Variants in DCAF8 observed in about 807,000 individuals in gnomAD.
DCAF8 encodes the protein DDB1 and CUL4 associated factor 8.
A neutral mutation model predicts 68.0 loss-of-function variants in DCAF8; 20 were observed. That is an observed-to-expected ratio of 0.29 (90% CI 0.21 to 0.43). The LOEUF (loss-of-function observed/expected upper bound fraction) is 0.43. Ranked by LOEUF, DCAF8 falls within the 20% of genes least tolerant of loss-of-function variation. The pLI is 1.00. For synonymous variants in DCAF8, 230 were observed against 276.9 expected, an observed-to-expected ratio of 0.83 and a Z score of 1.68; for missense variants, 460 against 771.0, an observed-to-expected ratio of 0.60 and a Z score of 4.78.
chr1:160,217,689 A>G lies in DCAF8; in HGVS notation c.1697T>C (p.Val566Ala). 6.2e-7 allele frequency: 1 copy of G among 1,614,022 alleles called. No individual in the cohort carries two copies. Among genetic ancestry groups the G allele is most frequent in the Non-Finnish European group, 8.5e-7 (1 of 1,179,968 alleles). The change falls in exon 14 of 14, where the codon GTT becomes GCT. Residue 566 changes from valine to alanine, a missense_variant. Physicochemically the swap from Val to Ala is moderately conservative, Grantham distance 64. This residue lies in a region of DCAF8 where 80 missense variants were observed against 115.1 expected (regional missense o/e 0.70). Coordinates refer to ENST00000368074, the MANE Select transcript of DCAF8 (RefSeq NM_015726.4). ...RHHRRWREPG[V>A]GATDADSDES... ...ATCAGAGTCCGCGTCTGTGGCCCCA[A>G]CCCCAGGTTCTCGCCAGCGCTGTGG...
chr1:160,218,279 T>TA (rs765023132), intron 13 of DCAF8, 45 bp downstream of exon 13: 11 of 1,519,932 alleles, frequency 7.2e-6, no homozygotes, highest in Non-Finnish European at 9.1e-6. Context: ...TTAGCCCTCT[T>TA]AAAAGGGTCA....
At chr1:160,255,035 T>C (rs1036616378) in intron 2 of DCAF8, among the ~76,000 whole-genome samples, 1 of 152,210 alleles carries the variant, frequency 6.6e-6, no homozygotes. Flanking sequence ...TTCCCATCTC[T>C]ATACCAGACT....
chr1:160,234,422 T>C (rs1225669531), intron 6 of DCAF8, among the ~76,000 whole-genome samples: 1 of 152,198 alleles, frequency 6.6e-6, no homozygotes, highest in East Asian at 1.9e-4. Context: ...CTTTAGAGTC[T>C]ATCCCACCTA....
chr1:160,236,075 G>A (rs549857312), intron 6 of DCAF8, among the ~76,000 whole-genome samples: 32 of 147,764 alleles, frequency 2.2e-4, no homozygotes, highest in African/African-American at 6.9e-4. Context: ...ATGGTGGGGC[G>A]GGGGTGACTG....
chr1:160,256,351 G>A (rs1656835912), intron 2 of DCAF8, among the ~76,000 whole-genome samples: 3 of 152,024 alleles, frequency 2.0e-5, no homozygotes, highest in Admixed American at 1.3e-4. Context: ...TGCTCCCAAG[G>A]TACAACTTAC....
In DCAF8 at chr1:160,237,217, G is replaced by A. The variant is rs1327584779; in HGVS notation, c.877C>T (p.Pro293Ser). 6.4e-7 allele frequency: 1 copy of A among 1,569,958 alleles called. No homozygotes were observed. The highest frequency in any genetic ancestry group is 8.7e-7 in the Non-Finnish European group (1 of 1,155,550). ...KGASHKLALEPDSPCTFLSAG... is the reference protein window; with the variant it reads ...KGASHKLALESDSPCTFLSAG... Reference sequence around the variant, plus strand: ...GATAAGAACGTACAGGGAGAGTCTGGTTCCAGTGCCAACTGAAGAAGAAAA... The same window carrying A: ...GATAAGAACGTACAGGGAGAGTCTGATTCCAGTGCCAACTGAAGAAGAAAA... Residue 293 changes from proline to serine, a missense_variant, in exon 6 of 14, where the codon CCA (proline) becomes TCA (serine). Coordinates refer to ENST00000368074, the MANE Select transcript of DCAF8 (RefSeq NM_015726.4).
chr1:160,261,719 A>G (rs1657098841), intron 1 of DCAF8: 1 of 152,316 alleles, frequency 6.6e-6, no homozygotes, highest in South Asian at 2.1e-4. Context: ...GTTTGTTTAC[A>G]GAGACTCCAG....
At chr1:160,243,912 A>G (rs1271929777) in intron 3 of DCAF8, 48 bp downstream of exon 3, 1 of 1,593,494 alleles carries the variant, frequency 6.3e-7, no homozygotes, top group Non-Finnish European at 8.6e-7. Context: ...GAGGAGGACA[A>G]CCTCAGTTGA....
chr1:160,246,899 C>T (rs112303310), intron 2 of DCAF8, among the ~76,000 whole-genome samples: 2,095 of 152,226 alleles, frequency 0.014, 48 homozygotes, highest in African/African-American at 0.048. Context: ...GTTGAGGCTG[C>T]AGTGACCTGT....
intron 7 of DCAF8, 111 bp from the exon 8 acceptor site, chr1:160,225,774 T>A: frequency 1.3e-6 from 1 of 781,966 alleles, no homozygotes; most frequent in South Asian, 1.7e-5. Flanking sequence ...TAAACAACAT[T>A]TTCCAAACCA....
chr1:160,227,390 G>GCGTAC (rs1239488460), intron 7 of DCAF8, among the ~76,000 whole-genome samples: 3 of 152,080 alleles, frequency 2.0e-5, no homozygotes, highest in African/African-American at 7.3e-5. Flanking sequence ...TCAACCTGCC[G>GCGTAC]CGTAGCTGGG....
intron 2 of DCAF8, among the ~76,000 whole-genome samples, chr1:160,255,421 A>T (rs1656797795): frequency 6.6e-6 from 1 of 152,166 alleles, no homozygotes; most frequent in African/African-American, 2.4e-5. Context: ...GGTATGTACC[A>T]CCACACCTGG....
chr1:160,239,029 C>A, intron 4 of DCAF8: 1 of 476,508 alleles, frequency 2.1e-6, no homozygotes, highest in East Asian at 6.9e-5. Flanking sequence ...CTGTATCTAG[C>A]AGAGGAGAAA....
chr1:160,222,597 A>G, intron 11 of DCAF8, 54 bp downstream of exon 11: 1 of 1,605,336 alleles, frequency 6.2e-7, no homozygotes, highest in Non-Finnish European at 8.5e-7. Context: ...GCTAAAACCT[A>G]CCTTAATGAC....
intron 8 of DCAF8, 68 bp downstream of exon 8, chr1:160,225,523 C>T (rs577147958): frequency 3.1e-6 from 4 of 1,275,096 alleles, no homozygotes; most frequent in South Asian, 2.5e-5. Context: ...ACCATACCAA[C>T]AAGTTCAGGT....
At chr1:160,249,757 G>C (rs1293933180) in intron 2 of DCAF8, among the ~76,000 whole-genome samples, 2 of 152,066 alleles carry the variant, frequency 1.3e-5, no homozygotes, top group Non-Finnish European at 2.9e-5. Context: ...TCTTCAGCTG[G>C]GTCATAGATA....
At chr1:160,219,197 G>A (rs1655219438) in intron 11 of DCAF8, 3 of 484,398 alleles carry the variant, frequency 6.2e-6, no homozygotes, top group Non-Finnish European at 1.1e-5. Flanking sequence ...GTATAGGTCG[G>A]GGGTGGCTTC....
At chr1:160,221,239 T>C (rs1655284450) in intron 11 of DCAF8, 1 of 152,274 alleles carries the variant, frequency 6.6e-6, no homozygotes, top group South Asian at 2.1e-4. Context: ...CAATAGCTTA[T>C]GTCAAGAAAA....
At chr1:160,250,465 A>AG (rs1656539230) in intron 2 of DCAF8, among the ~76,000 whole-genome samples, 1 of 39,614 alleles carries the variant, frequency 2.5e-5, no homozygotes, top group Admixed American at 2.6e-4. Flanking sequence ...AAACTGTCTC[A>AG]AAAAAAAAAA....
Sources: allele counts gnomAD v4.1 joint callset (sites outside exome capture counted in the v4.1 genomes callset), GRCh38; gene constraint gnomAD v4.1.1; regional missense constraint gnomAD v4.1.1; transcripts MANE v1.5; gene names NCBI Gene and HGNC (gene_info 2026-07-23, HGNC 2026-07-21).